The following SLC9D1 variants were observed in gnomAD, a reference collection of about 807,000 sequenced individuals.
The protein encoded by SLC9D1 is solute carrier family 9 member D1.
chr13:113,503,859 G>T, the SLC9D1 span: 3 of 406,268 alleles, frequency 7.4e-6, no homozygotes, highest in African/African-American at 6.1e-5. Flanking sequence ...AACTTTAATA[G>T]ATGGCTCCCT....
chr13:113,537,449 C>T, the SLC9D1 span, among the ~76,000 whole-genome samples: 6 of 152,200 alleles, frequency 3.9e-5, no homozygotes, highest in Admixed American at 2.0e-4. Flanking sequence ...CAGGCCTGGC[C>T]GCGTCGCCGT....
the SLC9D1 span, among the ~76,000 whole-genome samples, chr13:113,548,042 G>C: frequency 8.7e-4 from 126 of 145,142 alleles, 1 homozygote; most frequent in African/African-American, 3.0e-3. Context: ...GGGCGGGGGG[G>C]CTTGGGCAAG....
At chr13:113,514,742 C>T in the SLC9D1 span, among the ~76,000 whole-genome samples, 12 of 152,230 alleles carry the variant, frequency 7.9e-5, no homozygotes, top group African/African-American at 2.7e-4. Flanking sequence ...TGTTTTAGAC[C>T]GAGTCTTGCT....
the SLC9D1 span, among the ~76,000 whole-genome samples, chr13:113,541,084 C>T: frequency 6.6e-6 from 1 of 152,076 alleles, no homozygotes; most frequent in Non-Finnish European, 1.5e-5. Flanking sequence ...GTTTCTGTGC[C>T]AGTGCCATAC....
At chr13:113,548,261 G>C in the SLC9D1 span, 1 of 1,608,044 alleles carries the variant, frequency 6.2e-7, no homozygotes, top group Non-Finnish European at 8.5e-7. Flanking sequence ...AACTCTGTGT[G>C]GGTCCAGTCT....
At chr13:113,523,360 A>G in the SLC9D1 span, among the ~76,000 whole-genome samples, 11 of 152,110 alleles carry the variant, frequency 7.2e-5, no homozygotes, top group African/African-American at 2.7e-4. Context: ...CAGAATATCT[A>G]CTTCATATTG....
the SLC9D1 span, among the ~76,000 whole-genome samples, chr13:113,507,277 G>A: frequency 1.3e-5 from 2 of 152,126 alleles, no homozygotes; most frequent in East Asian, 1.9e-4. Flanking sequence ...GACTCGGATT[G>A]CAGATCTGTA....
the SLC9D1 span, chr13:113,505,740 T>C: frequency 6.6e-6 from 1 of 152,266 alleles, no homozygotes; most frequent in Non-Finnish European, 1.5e-5. Flanking sequence ...AATAAACTTT[T>C]CTTTTAAAGG....
chr13:113,501,636 T>G, the SLC9D1 span: 38 of 780,482 alleles, frequency 4.9e-5, no homozygotes, highest in Admixed American at 9.2e-4. Context: ...GTCTTCACCC[T>G]TCATTCCCAT....
chr13:113,531,575 C>T, the SLC9D1 span, among the ~76,000 whole-genome samples: 1 of 149,752 alleles, frequency 6.7e-6, no homozygotes, highest in Non-Finnish European at 1.5e-5. Context: ...GCACGGCACC[C>T]CGTACATGCA....
the SLC9D1 span, chr13:113,503,848 G>A: frequency 2.3e-6 from 1 of 436,514 alleles, no homozygotes; most frequent in Non-Finnish European, 4.1e-6. Context: ...TAATGTGTGT[G>A]AACTTTAATA....
the SLC9D1 span, among the ~76,000 whole-genome samples, chr13:113,517,257 G>T: frequency 2.6e-5 from 4 of 152,122 alleles, no homozygotes; most frequent in African/African-American, 7.2e-5. Flanking sequence ...TGTTGAGGAG[G>T]AGTCTCGCTC....
the SLC9D1 span, chr13:113,498,268 A>G: frequency 8.0e-6 from 9 of 1,131,650 alleles, no homozygotes; most frequent in Non-Finnish European, 9.8e-6. Context: ...ACAAAGCAGG[A>G]GGATTGATTA....
chr13:113,534,321 T>C, the SLC9D1 span: 11 of 1,193,472 alleles, frequency 9.2e-6, 1 homozygote. Context: ...TTCTTTACCT[T>C]TCCATTTTAA....
At chr13:113,526,459 C>T in the SLC9D1 span, among the ~76,000 whole-genome samples, 1 of 152,080 alleles carries the variant, frequency 6.6e-6, no homozygotes, top group South Asian at 2.1e-4. Context: ...GTGGCTCACA[C>T]CTGTAATCCT....
At chr13:113,534,179 G>C in the SLC9D1 span, 1 of 1,613,892 alleles carries the variant, frequency 6.2e-7, no homozygotes, top group Non-Finnish European at 8.5e-7. Context: ...CACATGGAAA[G>C]CAAGGGGAAC....
chr13:113,514,703 G>A, the SLC9D1 span, among the ~76,000 whole-genome samples: 5 of 151,524 alleles, frequency 3.3e-5, no homozygotes, highest in African/African-American at 4.9e-5. Flanking sequence ...TGAGATCGAC[G>A]CCATCCACAC....
At chr13:113,517,119 A>G in the SLC9D1 span, among the ~76,000 whole-genome samples, 1 of 152,024 alleles carries the variant, frequency 6.6e-6, no homozygotes, top group Non-Finnish European at 1.5e-5. Context: ...CCTGGGAGTA[A>G]TGTATGTGGG....
chr13:113,492,051 G>A, the SLC9D1 span, among the ~76,000 whole-genome samples: 22 of 152,294 alleles, frequency 1.4e-4, no homozygotes, highest in Middle Eastern at 6.8e-3. Flanking sequence ...TGTCGCCCAG[G>A]CTGGAGTGCA....
Sources: gnomAD v4.1 joint callset for allele counts (sites outside exome capture counted in the v4.1 genomes callset) on GRCh38, gnomAD v4.1.1 for gene constraint, MANE v1.5 for transcripts, NCBI Gene and HGNC (gene_info 2026-07-23, HGNC 2026-07-21) for gene names.